The following NSD1 variants were observed in gnomAD, a reference collection of about 807,000 sequenced individuals.
NSD1 encodes histone-lysine N-methyltransferase, H3 lysine-36 specific.
Under a neutral mutation model 242.7 loss-of-function variants are expected in NSD1, and 26 were observed. The observed-to-expected ratio is 0.11, with a 90% CI of 0.08 to 0.15. NSD1 has a LOEUF of 0.15. NSD1 is among the 10% of genes least tolerant of loss of function. NSD1 has a pLI of 1.00. For missense variants in NSD1, 2,495 were observed against 3,272.8 expected, an observed-to-expected ratio of 0.76 and a Z score of 5.80; for synonymous variants, 1,106 against 1,178.1, an observed-to-expected ratio of 0.94 and a Z score of 1.25.
chr5:177,194,766 A>G (rs1761978852), intron 3 of NSD1, among the ~76,000 whole-genome samples: 1 of 142,470 alleles, frequency 7.0e-6, no homozygotes. Flanking sequence ...CAGTGGCACA[A>G]TCTCGGCTCA....
chr5:177,263,923 A>G (rs897656929), intron 14 of NSD1, among the ~76,000 whole-genome samples: 2 of 152,012 alleles, frequency 1.3e-5, no homozygotes, highest in Admixed American at 6.6e-5. Flanking sequence ...TCAGTTTGAC[A>G]ATTTCTTAGT....
chr5:177,225,171 G>T (rs1167144703), intron 5 of NSD1, among the ~76,000 whole-genome samples: 2 of 152,064 alleles, frequency 1.3e-5, no homozygotes, highest in Admixed American at 6.6e-5. Context: ...TTTTGAGACG[G>T]AGTTTCGCCC....
At chr5:177,265,668 G>A (rs1264486912) in intron 14 of NSD1, 43 of 1,609,336 alleles carry the variant, frequency 2.7e-5, no homozygotes, top group Non-Finnish European at 3.3e-5. Context: ...TTGGCGTTGG[G>A]CCGCATGCCG....
Position 177,194,682 on chromosome 5 carries a change from A to G in NSD1, c.1063+2663A>G, listed in dbSNP as rs1484573153. Among the ~76,000 whole-genome samples, 7 of 143,992 alleles carry G rather than the reference A, an allele frequency of 4.9e-5. No homozygotes were observed. In the South Asian group the frequency reaches 1.1e-3, roughly 22 times the overall value. The allele number at this position is 143,992 out of a possible 152,430, so 94.5% of individuals were successfully genotyped here. ...TAATGAGGTGCCCAAAAACCTTTAT[A>G]AATTTTAGTGTCTTTTTTTTTTTTT... On this transcript the variant is annotated intron_variant, in intron 3 of 22. Coordinates refer to ENST00000439151, the MANE Select transcript of NSD1 (RefSeq NM_022455.5).
chr5:177,272,280 C>A (rs1758007730), intron 16 of NSD1, among the ~76,000 whole-genome samples: 1 of 151,982 alleles, frequency 6.6e-6, no homozygotes, highest in Admixed American at 6.5e-5. Flanking sequence ...AGTCTACCTC[C>A]TTAGAAGAAC....
Position 177,265,506 on chromosome 5 carries a change from G to A in NSD1, c.5147-2056G>A, listed in dbSNP as rs75983508. 1.8e-3 allele frequency: 1,214 copies of A among 678,370 alleles called. 13 individuals carry two copies. In the African/African-American group the frequency reaches 0.019, roughly 11 times the overall value. The allele number at this position is 678,370 out of a possible 1,614,324, so 42.0% of individuals were successfully genotyped here. ...GAGGGAGGGAGAGAGAGAGGAAGGG[G>A]GAGCCCCACAACCGTCTAGGAATGC... is the stretch of plus-strand genomic sequence containing the variant. On this transcript the variant is annotated intron_variant, in intron 14 of 22. Transcript: ENST00000439151.
chr5:177,178,957 G>A (rs115784269), intron 2 of NSD1, among the ~76,000 whole-genome samples: 12 of 152,254 alleles, frequency 7.9e-5, no homozygotes, highest in Non-Finnish European at 1.6e-4. Flanking sequence ...CCTTAAGTAG[G>A]GGTAAAGTAG....
intron 2 of NSD1, among the ~76,000 whole-genome samples, chr5:177,165,697 A>C (rs1759129492): frequency 6.6e-6 from 1 of 151,982 alleles, no homozygotes; most frequent in African/African-American, 2.4e-5. Flanking sequence ...GGGCTGAAGC[A>C]ATCCTTACCT....
rs1760229432 is a variant in NSD1 at position 177,295,970 on chromosome 5, C to G, written c.*511C>G. ...GAGATACAGGCCTCATCCCTGTGAGCCTGGATTCCAAGGCTTTCAGGAACC... is the reference window on the plus strand; with the variant it reads ...GAGATACAGGCCTCATCCCTGTGAGGCTGGATTCCAAGGCTTTCAGGAACC... On this transcript the variant is annotated 3_prime_UTR_variant, in exon 23 of 23. Transcript: ENST00000439151. This position sits in a 1 kb window ranked among gnomAD's most constrained non-coding sequence, Gnocchi z 4.3. 1 of 263,358 alleles carries G rather than the reference C, an allele frequency of 3.8e-6. No individual in the cohort carries two copies. The allele number at this position is 263,358 out of a possible 1,614,324, so 16.3% of individuals were successfully genotyped here.
intron 10 of NSD1, 120 bp from the exon 11 acceptor site, chr5:177,248,061 A>G (rs1460373941): frequency 3.9e-6 from 6 of 1,543,730 alleles, no homozygotes; most frequent in Non-Finnish European, 5.2e-6. Flanking sequence ...AGTCCGCCCG[A>G]GTGATTGGCT....
chr5:177,242,514 A>ATTATTTATTTATTTATCTAT (rs1765956413), intron 8 of NSD1, among the ~76,000 whole-genome samples: 4 of 145,492 alleles, frequency 2.7e-5, no homozygotes, highest in African/African-American at 1.0e-4. Context: ...AATGGCCTTT[A>ATTATTTATTTATTTATCTAT]TTATTTATTT....
At chr5:177,151,531 G>A (rs544476922) in intron 2 of NSD1, among the ~76,000 whole-genome samples, 1 of 152,092 alleles carries the variant, frequency 6.6e-6, no homozygotes, top group African/African-American at 2.4e-5. Flanking sequence ...TGGGATTACA[G>A]GCATGTGCCA....
chr5:177,136,975 GTA>G (rs1350568663), intron 2 of NSD1: 2 of 680,672 alleles, frequency 2.9e-6, no homozygotes, highest in African/African-American at 3.6e-5. Context: ...TTTGAAGTGT[GTA>G]TGTGTATGTG....
intron 2 of NSD1, among the ~76,000 whole-genome samples, chr5:177,174,578 C>A (rs173427): frequency 6.6e-6 from 1 of 150,566 alleles, no homozygotes; most frequent in Non-Finnish European, 1.5e-5. Context: ...TTTTTTTTGA[C>A]ACGGAGTCTT....
At chr5:177,267,803 T>C in intron 15 of NSD1, 85 bp downstream of exon 15, 3 of 1,357,162 alleles carry the variant, frequency 2.2e-6, no homozygotes, top group Admixed American at 3.4e-5. Flanking sequence ...GTATTTCTAA[T>C]GATCTACTTA....
At chr5:177,157,310 G>A (rs186748041) in intron 2 of NSD1, among the ~76,000 whole-genome samples, 2 of 152,210 alleles carry the variant, frequency 1.3e-5, no homozygotes, top group African/African-American at 4.8e-5. Flanking sequence ...AGGTTGTGGT[G>A]AGCGGAGATC....
chr5:177,264,025 C>G (rs1177415092), intron 14 of NSD1, among the ~76,000 whole-genome samples: 3 of 83,040 alleles, frequency 3.6e-5, no homozygotes. Flanking sequence ...ACTCAATGAA[C>G]CAATTTTTTT....
At chr5:177,185,987 AT>A (rs1194558687) in intron 2 of NSD1, among the ~76,000 whole-genome samples, 3 of 97,408 alleles carry the variant, frequency 3.1e-5, no homozygotes, top group Non-Finnish European at 5.6e-5. Flanking sequence ...TATATTATAT[AT>A]TTTATATTAT....
intron 2 of NSD1, among the ~76,000 whole-genome samples, chr5:177,164,970 A>G (rs1759071337): frequency 6.6e-6 from 1 of 151,590 alleles, no homozygotes; most frequent in Admixed American, 6.6e-5. Flanking sequence ...AAGAGGTAAA[A>G]TTTAAATAAC....
Sources: gnomAD v4.1 joint callset for allele counts (sites outside exome capture counted in the v4.1 genomes callset) on GRCh38, gnomAD v4.1.1 for gene constraint, Gnocchi (gnomAD v3.1) non-coding constraint, MANE v1.5 for transcripts, NCBI Gene and HGNC (gene_info 2026-07-23, HGNC 2026-07-21) for gene names.